The following DEPTOR variants were observed in gnomAD, a reference collection of about 807,000 sequenced individuals.
The protein encoded by DEPTOR is DEP domain containing MTOR interacting protein, also known as DEP domain-containing mTOR-interacting protein.
Under a neutral mutation model 41.6 loss-of-function variants are expected in DEPTOR, and 41 were observed. That is an observed-to-expected ratio of 0.98 (90% confidence interval 0.77 to 1.28). The LOEUF (loss-of-function observed/expected upper bound fraction) is 1.28, where lower values mean the gene tolerates loss of function less well. DEPTOR is among the 50% of genes most tolerant of loss of function. The pLI, the probability that DEPTOR is intolerant of heterozygous loss-of-function variation, is 0.00. For missense variants in DEPTOR, 514 were observed against 527.9 expected, an observed-to-expected ratio of 0.97 and a Z score of 0.26; for synonymous variants, 195 against 192.3, an observed-to-expected ratio of 1.01 and a Z score of -0.12.
rs1054558640 is a variant in DEPTOR at position 119,874,100 on chromosome 8, T to G, written c.122+132T>G. 36 of 1,474,764 alleles carry G rather than the reference T, an allele frequency of 2.4e-5. No homozygotes were observed. The African/African-American group carries it at 4.6e-4, about 19-fold the overall frequency. 91.4% of individuals were successfully genotyped at this position (1,474,764 alleles called of 1,614,324 possible). A position where few individuals can be genotyped will look rare whatever the true frequency, so the allele number is the denominator to read the frequency against. On this transcript the variant is annotated intron_variant, in intron 1 of 8. Coordinates refer to ENST00000286234, the MANE Select transcript of DEPTOR (RefSeq NM_022783.4). ...GGGCGCCGGAACGGCTGCGGGCGCG[T>G]GGATGGTCCTCGGTGCGCCCGCGCT...
rs779226286 is a variant in DEPTOR, at chr8:120,006,818, T to C, written c.939T>C (p.Pro313=). The C allele has an allele frequency of 1.7e-5, 28 of 1,614,176 alleles. No homozygotes were observed. Among genetic ancestry groups the C allele is most frequent in the Non-Finnish European group, 2.3e-5 (27 of 1,180,022 alleles). The part of the protein sequence containing the change: ...LCNPKSVLKR[P]VTSEELLTPG... Reference sequence around the variant, plus strand: ...TTTGTCTGCCAGTGCTGAAGAGACCTGTCACCTCTGAGGAACTCCTTACTC... The same window carrying C: ...TTTGTCTGCCAGTGCTGAAGAGACCCGTCACCTCTGAGGAACTCCTTACTC... The change falls in exon 7 of 9, where the codon CCT becomes CCC. Residue 313 remains proline, a synonymous_variant. Coordinates refer to ENST00000286234, the MANE Select transcript of DEPTOR (RefSeq NM_022783.4).
chr8:119,973,102 G>A (rs1305603990), intron 4 of DEPTOR, among the ~76,000 whole-genome samples: 2 of 151,910 alleles, frequency 1.3e-5, no homozygotes, highest in Non-Finnish European at 2.9e-5. Context: ...ACCACACCCG[G>A]CTAATTTTGT....
intron 8 of DEPTOR, among the ~76,000 whole-genome samples, chr8:120,015,295 T>G (rs947275830): frequency 6.6e-6 from 1 of 152,178 alleles, no homozygotes; most frequent in Non-Finnish European, 1.5e-5. Context: ...AGTCTCAGAT[T>G]AAATGTTAAT....
chr8:119,910,674 C>A (rs976665167), intron 1 of DEPTOR, among the ~76,000 whole-genome samples: 2 of 151,964 alleles, frequency 1.3e-5, no homozygotes, highest in Non-Finnish European at 2.9e-5. Context: ...CTCCTGACTT[C>A]AAGTAATCCA....
chr8:119,892,104 T>C (rs1411372045), intron 1 of DEPTOR, among the ~76,000 whole-genome samples: 2 of 152,194 alleles, frequency 1.3e-5, no homozygotes, highest in Non-Finnish European at 2.9e-5. Context: ...GTGGAAGCAG[T>C]TCTCCCACTT....
At chr8:119,963,541 G>C (rs899673569) in intron 3 of DEPTOR, among the ~76,000 whole-genome samples, 3 of 151,990 alleles carry the variant, frequency 2.0e-5, no homozygotes, top group African/African-American at 7.2e-5. Context: ...AATAGAGATG[G>C]GGTTTTGTCA....
intron 8 of DEPTOR, among the ~76,000 whole-genome samples, chr8:120,044,498 T>G (rs1389811647): frequency 6.6e-6 from 1 of 152,184 alleles, no homozygotes; most frequent in Non-Finnish European, 1.5e-5. Context: ...AAATGAACTT[T>G]CCTGTGTTAC....
chr8:120,023,968 G>A (rs1812761120), intron 8 of DEPTOR, among the ~76,000 whole-genome samples: 1 of 152,150 alleles, frequency 6.6e-6, no homozygotes, highest in Non-Finnish European at 1.5e-5. Flanking sequence ...GGGCATGGTT[G>A]TTCACGCCTG....
chr8:120,001,478 C>T, intron 4 of DEPTOR, 47 bp from the exon 5 acceptor site: 1 of 1,523,810 alleles, frequency 6.6e-7, no homozygotes, highest in Non-Finnish European at 8.8e-7. Flanking sequence ...GCTCAGTGGC[C>T]AGGATGCCAG....
intron 5 of DEPTOR, among the ~76,000 whole-genome samples, 186 bp from the exon 6 acceptor site, chr8:120,002,791 A>AAATATATATATATATATATATATATAT: frequency 1.2e-4 from 7 of 60,674 alleles, no homozygotes; most frequent in Admixed American, 5.1e-4. Context: ...AAAAAAAAAA[A>AAATATATATATATATATATATATATAT]ATATATATAT....
intron 1 of DEPTOR, among the ~76,000 whole-genome samples, chr8:119,913,550 T>A (rs979599710): frequency 1.3e-5 from 2 of 152,186 alleles, no homozygotes; most frequent in Non-Finnish European, 2.9e-5. Context: ...GAGAGTGGGA[T>A]GTGACTGCTG....
chr8:120,038,751 C>T (rs373128796), intron 8 of DEPTOR, among the ~76,000 whole-genome samples: 8 of 152,144 alleles, frequency 5.3e-5, no homozygotes, highest in Non-Finnish European at 8.8e-5. Flanking sequence ...GCAGAGTAGC[C>T]GAGGTCTTAA....
chr8:119,977,122 T>C (rs372902870), intron 4 of DEPTOR, among the ~76,000 whole-genome samples: 32 of 152,272 alleles, frequency 2.1e-4, no homozygotes, highest in African/African-American at 7.0e-4. Context: ...TGCCTCAGCT[T>C]CCCAAGTAGC....
At chr8:119,933,727 C>G (rs1828074669) in intron 3 of DEPTOR, among the ~76,000 whole-genome samples, 1 of 151,998 alleles carries the variant, frequency 6.6e-6, no homozygotes, top group Non-Finnish European at 1.5e-5. Context: ...GCTGTCTCAG[C>G]AGCTCTGAGG....
At chr8:119,927,682 C>T (rs1389058020) in intron 1 of DEPTOR, among the ~76,000 whole-genome samples, 3 of 151,520 alleles carry the variant, frequency 2.0e-5, no homozygotes, top group African/African-American at 7.3e-5. Context: ...GATCTCAGCT[C>T]ACTGCAACCT....
intron 8 of DEPTOR, among the ~76,000 whole-genome samples, chr8:120,028,108 A>C (rs1250532863): frequency 2.0e-5 from 3 of 152,168 alleles, no homozygotes; most frequent in African/African-American, 7.2e-5. Flanking sequence ...GGTGTTCCAC[A>C]GTTTGTTTAT....
At chr8:120,038,248 G>A (rs1391574384) in intron 8 of DEPTOR, among the ~76,000 whole-genome samples, 1 of 142,582 alleles carries the variant, frequency 7.0e-6, no homozygotes, top group African/African-American at 2.7e-5. Context: ...CAGCCTGGGT[G>A]ACAGAGCGAG....
chr8:120,022,533 A>G (rs11778811), intron 8 of DEPTOR, among the ~76,000 whole-genome samples: 17,607 of 151,992 alleles, frequency 0.12, 1,374 homozygotes, highest in Non-Finnish European at 0.17. Flanking sequence ...AGAAAGGGTC[A>G]GTCTTGAGGC....
At chr8:120,026,171 A>G (rs77317278) in intron 8 of DEPTOR, among the ~76,000 whole-genome samples, 22,428 of 151,156 alleles carry the variant, frequency 0.15, 2,459 homozygotes, top group African/African-American at 0.31. Flanking sequence ...TGTTTTTAAT[A>G]TAGACGGGGT....
Sources: allele counts gnomAD v4.1 joint callset (sites outside exome capture counted in the v4.1 genomes callset), GRCh38; gene constraint gnomAD v4.1.1; transcripts MANE v1.5; gene names NCBI Gene and HGNC (gene_info 2026-07-23, HGNC 2026-07-21).